The following SEC24D variants were observed in gnomAD, a reference collection of about 807,000 sequenced individuals.
The protein encoded by SEC24D is protein transport protein Sec24D.
In SEC24D, 69 loss-of-function variants were observed where a neutral mutation model predicts 116.9. That is an observed-to-expected ratio of 0.59 (90% CI 0.49 to 0.72). The LOEUF (loss-of-function observed/expected upper bound fraction) is 0.72. Among genes scored for constraint, SEC24D ranks in the 30% least tolerant of loss-of-function variants. The probability of loss-of-function intolerance (pLI) is 0.00; values close to 1 mark genes in which losing one functional copy is unlikely to be tolerated. For synonymous variants in SEC24D, 405 were observed against 442.8 expected (o/e 0.91, Z 1.07); for missense variants, 1,131 against 1,264.1 (o/e 0.89, Z 1.60).
intron 6 of SEC24D, among the ~76,000 whole-genome samples, chr4:118,809,158 G>A (rs1232138499): frequency 6.6e-6 from 1 of 152,084 alleles, no homozygotes; most frequent in African/African-American, 2.4e-5. Context: ...ATTTTTAGTA[G>A]AGACGGGGTT....
intron 22 of SEC24D, among the ~76,000 whole-genome samples, chr4:118,725,348 A>AT (rs1385349168): frequency 6.6e-6 from 1 of 152,164 alleles, no homozygotes; most frequent in Non-Finnish European, 1.5e-5. Context: ...TTGCCTCCTG[A>AT]TGAACCTGAA....
chr4:118,732,774 C>G lies in SEC24D; in HGVS notation c.2635G>C (p.Ala879Pro). Residue 879 changes from alanine (A) to proline (P), a missense_variant, in exon 20 of 23, where the codon GCT (alanine) becomes CCT (proline). Transcript: ENST00000280551. ...QRQLVMTMGV[A>P]DSQLFFYPQL... ...GGGTAGAAGAAAAGCTGAGAGTCAG[C>G]CACACCCATGGTCATGACCAGCTGT... 1 of 1,614,098 alleles carries G rather than the reference C, an allele frequency of 6.2e-7. No individual in the cohort carries two copies. Among genetic ancestry groups the G allele is most frequent in the South Asian group, 1.1e-5 (1 of 91,082 alleles).
At chr4:118,791,656 C>T (rs1728906504) in intron 8 of SEC24D, among the ~76,000 whole-genome samples, 1 of 152,092 alleles carries the variant, frequency 6.6e-6, no homozygotes, top group African/African-American at 2.4e-5. Context: ...TGCCGAGTGC[C>T]TGGGATTGCA....
intron 6 of SEC24D, among the ~76,000 whole-genome samples, chr4:118,813,975 T>A (rs1330848109): frequency 6.6e-6 from 1 of 152,204 alleles, no homozygotes; most frequent in Non-Finnish European, 1.5e-5. Context: ...TGAGTATTAA[T>A]AAACAGTAGT....
At chr4:118,767,130 G>A (rs1727680440) in intron 9 of SEC24D, among the ~76,000 whole-genome samples, 2 of 152,200 alleles carry the variant, frequency 1.3e-5, no homozygotes, top group African/African-American at 2.4e-5. Context: ...CTGACCAAAG[G>A]TCTGCATGAG....
At chr4:118,794,849 G>A (rs571572473) in intron 8 of SEC24D, among the ~76,000 whole-genome samples, 3 of 152,160 alleles carry the variant, frequency 2.0e-5, no homozygotes, top group African/African-American at 7.2e-5. Flanking sequence ...TTTTAAAGGA[G>A]GTAGCTCTGT....
chr4:118,729,487 T>C (rs1725578237), intron 21 of SEC24D: 1 of 152,194 alleles, frequency 6.6e-6, no homozygotes, highest in African/African-American at 2.4e-5. Context: ...GAAAAGAATG[T>C]ACTTTGTTCC....
At chr4:118,760,132 C>G (rs1727299135) in intron 10 of SEC24D, among the ~76,000 whole-genome samples, 1 of 152,160 alleles carries the variant, frequency 6.6e-6, no homozygotes, top group Non-Finnish European at 1.5e-5. Flanking sequence ...TTTAGATCCT[C>G]AATTTCTCTC....
intron 6 of SEC24D, among the ~76,000 whole-genome samples, chr4:118,806,408 T>C (rs1459475635): frequency 6.6e-6 from 1 of 152,036 alleles, no homozygotes; most frequent in African/African-American, 2.4e-5. Context: ...CAATCATAGC[T>C]CACTGCAGCC....
chr4:118,768,498 G>A (rs531839378), intron 8 of SEC24D, among the ~76,000 whole-genome samples, 187 bp from the exon 9 acceptor site: 43 of 151,228 alleles, frequency 2.8e-4, no homozygotes, highest in Non-Finnish European at 4.4e-4. Flanking sequence ...GGGTTCAAGC[G>A]ATTCTCCTGC....
At chr4:118,817,809 T>A (rs1468586258) in intron 3 of SEC24D, among the ~76,000 whole-genome samples, 1 of 152,012 alleles carries the variant, frequency 6.6e-6, no homozygotes, top group African/African-American at 2.4e-5. Flanking sequence ...GAGGCTGAGG[T>A]GGGAGGACAA....
At chr4:118,732,253 G>GC (rs1393403619) in intron 20 of SEC24D, among the ~76,000 whole-genome samples, 1 of 152,006 alleles carries the variant, frequency 6.6e-6, no homozygotes, top group Non-Finnish European at 1.5e-5. Context: ...CCCTGCCTCA[G>GC]CCCCCCACGA....
chr4:118,787,610 G>C (rs1185526179), intron 8 of SEC24D, among the ~76,000 whole-genome samples: 2 of 152,106 alleles, frequency 1.3e-5, no homozygotes, highest in Non-Finnish European at 2.9e-5. Context: ...CTAGGAGTTT[G>C]AGACCAGCCT....
At chr4:118,728,338 C>A (rs543690540) in intron 22 of SEC24D, among the ~76,000 whole-genome samples, 20 of 152,090 alleles carry the variant, frequency 1.3e-4, no homozygotes, top group Admixed American at 9.8e-4. Context: ...CTTAAGATAC[C>A]CCATAGTTAA....
intron 19 of SEC24D, among the ~76,000 whole-genome samples, chr4:118,733,950 A>G (rs1725830377): frequency 6.6e-6 from 1 of 151,926 alleles, no homozygotes; most frequent in Non-Finnish European, 1.5e-5. Context: ...ACCTAACACA[A>G]TGCAGCAATT....
chr4:118,822,104 A>G (rs549109323), intron 3 of SEC24D, among the ~76,000 whole-genome samples: 18 of 152,338 alleles, frequency 1.2e-4, no homozygotes, highest in African/African-American at 4.1e-4. Flanking sequence ...TTCAGATCCA[A>G]TGGAAATGAT....
intron 19 of SEC24D, chr4:118,736,203 C>G (rs1232648376): frequency 6.7e-6 from 1 of 149,494 alleles, no homozygotes; most frequent in Non-Finnish European, 1.5e-5. Flanking sequence ...TGGGGTTTCA[C>G]CATGTTGCCC....
At chr4:118,737,695 T>A (rs1726033178) in intron 19 of SEC24D, among the ~76,000 whole-genome samples, 2 of 152,222 alleles carry the variant, frequency 1.3e-5, no homozygotes, top group Admixed American at 1.3e-4. Flanking sequence ...GTTCTGCTTT[T>A]CCTTTTATAG....
chr4:118,767,086 A>G (rs916244561), intron 9 of SEC24D, among the ~76,000 whole-genome samples: 3 of 152,240 alleles, frequency 2.0e-5, no homozygotes, highest in African/African-American at 7.2e-5. Flanking sequence ...CTAGAAGCCA[A>G]TGATTCAACT....
Sources: allele counts gnomAD v4.1 joint callset (sites outside exome capture counted in the v4.1 genomes callset), GRCh38; gene constraint gnomAD v4.1.1; transcripts MANE v1.5; gene names NCBI Gene and HGNC (gene_info 2026-07-23, HGNC 2026-07-21).